MRPS31: variants seen among roughly 807,000 people sequenced by gnomAD.
The protein encoded by MRPS31 is small ribosomal subunit protein mS31.
Under a neutral mutation model 43.1 loss-of-function variants are expected in MRPS31, and 32 were observed. The observed-to-expected ratio is 0.74, with a 90% confidence interval of 0.56 to 1.00. The LOEUF is 1.00. MRPS31 is among the 50% of genes least tolerant of loss of function. MRPS31 has a pLI of 0.00. For synonymous variants in MRPS31, 165 were observed against 161.6 expected, an observed-to-expected ratio of 1.02 and a Z score of -0.16; for missense variants, 437 against 466.7, an observed-to-expected ratio of 0.94 and a Z score of 0.59.
intron 6 of MRPS31, among the ~76,000 whole-genome samples, chr13:40,733,207 T>C (rs1234622462): frequency 1.3e-5 from 2 of 152,024 alleles, no homozygotes; most frequent in Non-Finnish European, 2.9e-5. Flanking sequence ...TTTCACCATG[T>C]TGGCCAGGCT....
Position 40,729,328 on chromosome 13 carries a change from G to T in MRPS31, c.*44C>A. ...TCTAGTAAAATTATTTTATTTAGTT[G>T]TAATATCCATCTCTAATTGTTTGAA... On this transcript the variant is annotated 3_prime_UTR_variant, in exon 7 of 7. Coordinates refer to ENST00000323563, the MANE Select transcript of MRPS31 (RefSeq NM_005830.4). The T allele has an allele frequency of 1.1e-6, 1 of 939,240 alleles. No homozygotes were observed. The highest frequency in any genetic ancestry group is 1.6e-6 in the Non-Finnish European group (1 of 617,040). 58.2% of individuals were successfully genotyped at this position (939,240 alleles called of 1,614,324 possible).
At chr13:40,768,060 T>C (rs1880900498) in intron 1 of MRPS31, among the ~76,000 whole-genome samples, 1 of 152,236 alleles carries the variant, frequency 6.6e-6, no homozygotes, top group Non-Finnish European at 1.5e-5. Context: ...ATTACATCTA[T>C]ATTAGACTCA....
intron 6 of MRPS31, among the ~76,000 whole-genome samples, chr13:40,747,418 C>G (rs1340792190): frequency 6.6e-6 from 1 of 152,144 alleles, no homozygotes; most frequent in African/African-American, 2.4e-5. Context: ...TCCTCAAAGG[C>G]AAATGGCTAA....
At chr13:40,746,422 G>C (rs1593446169) in intron 6 of MRPS31, among the ~76,000 whole-genome samples, 1 of 152,240 alleles carries the variant, frequency 6.6e-6, no homozygotes. Flanking sequence ...ACTGCCTTAA[G>C]GAGCTGAAAA....
chr13:40,755,063 G>C (rs1371118386), intron 4 of MRPS31, among the ~76,000 whole-genome samples: 1 of 152,026 alleles, frequency 6.6e-6, no homozygotes, highest in African/African-American at 2.4e-5. Context: ...ATAAACTGGA[G>C]GGTTAGTTTT....
At chr13:40,761,600 A>G (rs1385973433) in intron 2 of MRPS31, among the ~76,000 whole-genome samples, 1 of 152,042 alleles carries the variant, frequency 6.6e-6, no homozygotes, top group Non-Finnish European at 1.5e-5. Context: ...ATCTTTCTTC[A>G]TATATTTTAA....
intron 1 of MRPS31, among the ~76,000 whole-genome samples, chr13:40,767,846 T>A (rs186079128): frequency 1.6e-3 from 244 of 152,328 alleles, no homozygotes; most frequent in African/African-American, 5.7e-3. Context: ...TAAATTTCTA[T>A]CAATAAAAAA....
At chr13:40,766,320 T>C (rs1342299068) in intron 2 of MRPS31, among the ~76,000 whole-genome samples, 1 of 152,144 alleles carries the variant, frequency 6.6e-6, no homozygotes, top group Non-Finnish European at 1.5e-5. Flanking sequence ...TGAGACAGAG[T>C]CTCGCTTGAT....
intron 6 of MRPS31, among the ~76,000 whole-genome samples, chr13:40,732,781 A>G (rs1879738795): frequency 6.6e-6 from 1 of 152,102 alleles, no homozygotes; most frequent in African/African-American, 2.4e-5. Context: ...GTTGAGCAAC[A>G]TTACATTTCC....
intron 4 of MRPS31, 132 bp downstream of exon 4, chr13:40,756,741 A>G: frequency 9.6e-7 from 1 of 1,039,008 alleles, no homozygotes; most frequent in Non-Finnish European, 1.4e-6. Flanking sequence ...GAGTAAGAAC[A>G]CAGATGTAAA....
intron 6 of MRPS31, among the ~76,000 whole-genome samples, chr13:40,738,099 A>G (rs1369939135): frequency 6.6e-6 from 1 of 152,206 alleles, no homozygotes. Context: ...AAAACGATAA[A>G]GGGGATATCA....
At chr13:40,742,680 C>T (rs1380921409) in intron 6 of MRPS31, among the ~76,000 whole-genome samples, 1 of 152,150 alleles carries the variant, frequency 6.6e-6, no homozygotes, top group African/African-American at 2.4e-5. Flanking sequence ...TATTACAGCA[C>T]ATATTTCAGA....
intron 6 of MRPS31, among the ~76,000 whole-genome samples, chr13:40,731,975 G>T (rs1005276638): frequency 2.0e-5 from 3 of 147,376 alleles, no homozygotes; most frequent in African/African-American, 7.5e-5. Context: ...TAATGCAAAG[G>T]AAAAAAAAAG....
intron 6 of MRPS31, among the ~76,000 whole-genome samples, chr13:40,739,568 A>C (rs898466262): frequency 3.3e-5 from 5 of 152,232 alleles, no homozygotes; most frequent in African/African-American, 7.2e-5. Flanking sequence ...CCAAAACAGC[A>C]TGGTACTGGT....
intron 5 of MRPS31, among the ~76,000 whole-genome samples, chr13:40,753,420 G>A (rs1880444535): frequency 1.3e-5 from 2 of 152,160 alleles, no homozygotes; most frequent in South Asian, 2.1e-4. Context: ...CTCTGGATTC[G>A]GTAATCGGTA....
intron 2 of MRPS31, 64 bp downstream of exon 2, chr13:40,766,682 T>C: frequency 6.9e-7 from 1 of 1,443,950 alleles, no homozygotes; most frequent in Non-Finnish European, 9.4e-7. Flanking sequence ...ATTAAAAATA[T>C]TTTTTACCAA....
At chr13:40,752,717 C>CT (rs1566108623) in intron 5 of MRPS31, among the ~76,000 whole-genome samples, 1 of 151,810 alleles carries the variant, frequency 6.6e-6, no homozygotes, top group Non-Finnish European at 1.5e-5. Context: ...CGCCTAGGAA[C>CT]TTATCTATCA....
chr13:40,762,780 CATTGTGTGTGTGTGTGTGT>C (rs1455897628), intron 2 of MRPS31, among the ~76,000 whole-genome samples: 2 of 131,332 alleles, frequency 1.5e-5, no homozygotes, highest in Admixed American at 1.6e-4. Flanking sequence ...ATAGTATAGA[CATTGTGTGTGTGTGTGTGT>C]GTGTGTGTGT....
intron 1 of MRPS31, among the ~76,000 whole-genome samples, chr13:40,767,630 G>A (rs980309839): frequency 2.6e-5 from 4 of 152,176 alleles, no homozygotes; most frequent in Non-Finnish European, 5.9e-5. Flanking sequence ...TTGATCACTT[G>A]GTCCTTGGGG....
Sources: gnomAD v4.1 joint callset for allele counts (sites outside exome capture counted in the v4.1 genomes callset) on GRCh38, gnomAD v4.1.1 for gene constraint, MANE v1.5 for transcripts, NCBI Gene and HGNC (gene_info 2026-07-23, HGNC 2026-07-21) for gene names.